Variants in DPYSL4 observed in about 807,000 individuals in gnomAD.
The protein encoded by DPYSL4 is dihydropyrimidinase like 4, also known as dihydropyrimidinase-related protein 4.
Under a neutral mutation model 63.4 loss-of-function variants are expected in DPYSL4, and 43 were observed. The ratio of observed to expected loss-of-function variants is 0.68; its 90% CI spans 0.53 to 0.88. The LOEUF is 0.88. DPYSL4 is among the 40% of genes least tolerant of loss of function. The pLI is 0.00. For synonymous variants in DPYSL4, 353 were observed against 331.7 expected (o/e 1.06, Z -0.70); for missense variants, 733 against 819.5 (o/e 0.89, Z 1.29).
At position 132,205,338 on chromosome 10, in the gene DPYSL4, C is replaced by A; in HGVS notation, c.*408C>A. On this transcript the variant is annotated 3_prime_UTR_variant, in exon 14 of 14. Transcript: ENST00000338492. ...GCCTGGTGGGCATTTGCCGCCGCCT[C>A]CCCACCACCAGTCACTGCCTCGCAG... 6.1e-6 allele frequency: 1 copy of A among 164,928 alleles called. No homozygotes were observed. 10.2% of individuals were successfully genotyped at this position (164,928 alleles called of 1,614,324 possible). A position where few individuals can be genotyped will look rare whatever the true frequency, so the allele number is the denominator to read the frequency against.
At position 132,192,769 on chromosome 10, in the gene DPYSL4, C is replaced by T. The variant is rs767153584; in HGVS notation, c.240C>T (p.Val80=). The T allele has an allele frequency of 6.2e-7, 1 of 1,613,198 alleles. No homozygotes were observed. The highest frequency in any genetic ancestry group is 1.3e-5 in the African/African-American group (1 of 74,930). Residue 80 remains valine (V), a synonymous_variant, in exon 3 of 14, where the codon GTC becomes GTT. Transcript: ENST00000338492. ...TCCACACAAGGCTGCAGATGCCTGTCCTGGGCATGACACCGGCTGACGACT... is the reference window on the plus strand; with the variant it reads ...TCCACACAAGGCTGCAGATGCCTGTTCTGGGCATGACACCGGCTGACGACT... ...VDVHTRLQMP[V]LGMTPADDFC...
rs749104221 is a variant in DPYSL4, at chr10:132,192,712, C to T, written c.183C>T (p.His61=). 3.1e-5 allele frequency: 50 copies of T among 1,613,264 alleles called. No individual in the cohort carries two copies. In the Admixed American group the frequency reaches 4.8e-4, roughly 16 times the overall value. ...GGGGCATCAAGACCATTGACGCCCACGGCCTGATGGTCCTTCCTGGTGGCG... is the reference window on the plus strand; with the variant it reads ...GGGGCATCAAGACCATTGACGCCCATGGCCTGATGGTCCTTCCTGGTGGCG... The part of the protein sequence containing the change: ...VPGGIKTIDA[H]GLMVLPGGVD... The change falls in exon 3 of 14, where the codon CAC becomes CAT. Residue 61 remains histidine (H), a synonymous_variant. Coordinates refer to ENST00000338492, the MANE Select transcript of DPYSL4 (RefSeq NM_006426.3).
rs140382702 is a variant in DPYSL4 at position 132,198,962 on chromosome 10, A to G, written c.802A>G (p.Lys268Glu). 2.8e-5 allele frequency: 45 copies of G among 1,610,534 alleles called. No individual in the cohort carries two copies. The highest frequency in any genetic ancestry group is 3.8e-5 in the Non-Finnish European group (45 of 1,178,580). Residue 268 changes from lysine to glutamate, a missense_variant, in exon 8 of 14, where the codon AAG becomes GAG. By Grantham distance (56) the Lys-to-Glu change is moderately conservative. Coordinates refer to ENST00000338492, the MANE Select transcript of DPYSL4 (RefSeq NM_006426.3). Reference sequence around the variant, plus strand: ...GGCGGCCGACGCCATCGCTCAGGCCAAGCGCAGAGGTGAGCACCCAGCCCC... The same window carrying G: ...GGCGGCCGACGCCATCGCTCAGGCCGAGCGCAGAGGTGAGCACCCAGCCCC... ...KGAADAIAQA[K>E]RRGVVVFGEP...
In DPYSL4 at chr10:132,194,938, C is replaced by T. The variant is rs1267281383; in HGVS notation, c.407C>T (p.Ser136Phe). The part of the protein sequence containing the change: ...RADSAACCDY[S>F]LHVDITRWHE... ...GACAGCGCGGCCTGCTGCGACTACT[C>T]CCTGCACGTGGACATCACCCGATGG... The change falls in exon 4 of 14, where the codon TCC (serine) becomes TTC (phenylalanine). Residue 136 changes from serine to phenylalanine, a missense_variant. By Grantham distance (155) the Ser-to-Phe change is radical. Transcript: ENST00000338492. 2 of 1,612,182 alleles carry T rather than the reference C, an allele frequency of 1.2e-6. No individual in the cohort carries two copies. The highest frequency in any genetic ancestry group is 1.1e-5 in the South Asian group (1 of 91,074).
Position 132,188,038 on chromosome 10 carries a change from G to A in DPYSL4, c.39+936G>A, listed in dbSNP as rs139750295. The stretch of plus-strand genomic sequence containing the variant: ...CTCCCCCAGACTCTGAGCGAGGAAG[G>A]AGCCCTCCCCTCTCCAGATGGGAGG... On this transcript the variant is annotated intron_variant, in intron 1 of 13. Coordinates refer to ENST00000338492, the MANE Select transcript of DPYSL4 (RefSeq NM_006426.3). 4.0e-3 allele frequency among the ~76,000 whole-genome samples: 602 copies of A among 152,260 alleles called. 3 individuals are homozygous for A. The highest frequency in any genetic ancestry group is 0.014 in the African/African-American group (574 of 41,564).
At chr10:132,201,827 C>G in intron 10 of DPYSL4, 119 bp from the exon 11 acceptor site, 2 of 1,128,170 alleles carry the variant, frequency 1.8e-6, no homozygotes. Flanking sequence ...TCTGTCCTCA[C>G]GGGGGCCTGG....
At chr10:132,190,100 CCT>C (rs1392940810) in intron 1 of DPYSL4, among the ~76,000 whole-genome samples, 2 of 152,252 alleles carry the variant, frequency 1.3e-5, no homozygotes, top group Non-Finnish European at 2.9e-5. Flanking sequence ...TCTCCCAGCC[CCT>C]CTCTCATGGC....
At chr10:132,197,678 G>GAC (rs1240376649) in intron 6 of DPYSL4, among the ~76,000 whole-genome samples, 1 of 152,230 alleles carries the variant, frequency 6.6e-6, no homozygotes, top group Non-Finnish European at 1.5e-5. Context: ...CACCACACAG[G>GAC]ACACACCTCC....
intron 2 of DPYSL4, 133 bp from the exon 3 acceptor site, chr10:132,192,525 G>A: frequency 7.0e-7 from 1 of 1,422,918 alleles, no homozygotes; most frequent in Non-Finnish European, 9.2e-7. Context: ...AGTCCAGTGA[G>A]TGGCCGGCCG....
rs1432424235 is a variant in DPYSL4, at chr10:132,202,860, G to C, written c.1461+35G>C. ...CACCCGCAAGGGTGTTGTGCAGGTA[G>C]GCAGGTGGGCGCTGAGTTCTAGGCC... is the stretch of plus-strand genomic sequence containing the variant. On this transcript the variant is annotated intron_variant, in intron 12 of 13. Transcript: ENST00000338492. The C allele has an allele frequency of 2.6e-6, 4 of 1,555,086 alleles. No homozygotes were observed. The Admixed American group carries it at 7.3e-5, about 28-fold the overall frequency.
At chr10:132,199,913 G>A (rs1590102312) in intron 8 of DPYSL4, among the ~76,000 whole-genome samples, 1 of 151,902 alleles carries the variant, frequency 6.6e-6, no homozygotes, top group African/African-American at 2.4e-5. Context: ...TTCTCGGGGG[G>A]TGCCCCACCC....
chr10:132,187,380 GGCCTT>G (rs1383416271), intron 1 of DPYSL4, among the ~76,000 whole-genome samples: 2 of 30,754 alleles, frequency 6.5e-5, no homozygotes, highest in African/African-American at 2.1e-4. Flanking sequence ...GGCCCTGCCC[GGCCTT>G]GCCCGGCCTT....
At position 132,194,885 on chromosome 10, in the gene DPYSL4, G is replaced by A. The variant is rs138714632; in HGVS notation, c.354G>A (p.Ala118=). 349 of 1,612,802 alleles carry A rather than the reference G, an allele frequency of 2.2e-4. No individual in the cohort carries two copies. The highest frequency in any genetic ancestry group is 1.1e-3 in the East Asian group (51 of 44,866). Residue 118 remains alanine, a synonymous_variant, in exon 4 of 14, where the codon GCG becomes GCA. Coordinates refer to ENST00000338492, the MANE Select transcript of DPYSL4 (RefSeq NM_006426.3). ...VFPDTGVSLL[A]AYEQWRERAD... ...CCGACACGGGTGTGAGCCTGCTGGC[G>A]GCCTACGAGCAGTGGCGGGAGCGGG...
Position 132,201,990 on chromosome 10 carries a change from T to C in DPYSL4, c.1155T>C (p.Ser385=). 3.7e-6 allele frequency: 6 copies of C among 1,613,242 alleles called. No homozygotes were observed. Among genetic ancestry groups the C allele is most frequent in the Middle Eastern group, 1.7e-4 (1 of 6,054 alleles). Residue 385 remains serine, a synonymous_variant, in exon 11 of 14, where the codon AGT becomes AGC. Coordinates refer to ENST00000338492, the MANE Select transcript of DPYSL4 (RefSeq NM_006426.3). ...AGAATGAGTTCGTCGCGGTGACCAGTACAAATGCTGCCAAAATCTTCAATT... is the reference window on the plus strand; with the variant it reads ...AGAATGAGTTCGTCGCGGTGACCAGCACAAATGCTGCCAAAATCTTCAATT... ...MDENEFVAVT[S]TNAAKIFNFY...
chr10:132,200,411 C>T lies in DPYSL4; in HGVS notation c.867C>T (p.His289=), dbSNP rs773634853. Residue 289 remains histidine, a synonymous_variant, in exon 9 of 14, where the codon CAC becomes CAT. Coordinates refer to ENST00000338492, the MANE Select transcript of DPYSL4 (RefSeq NM_006426.3). ...ITASLGTDGS[H]YWSKNWAKAA... is the part of the protein sequence containing the mutation. The stretch of plus-strand genomic sequence containing the variant: ...CCAGCCTGGGCACCGACGGTTCACA[C>T]TACTGGAGCAAGAACTGGGCCAAGG... 4.3e-6 allele frequency: 7 copies of T among 1,613,584 alleles called. No individual in the cohort carries two copies. Among genetic ancestry groups the T allele is most frequent in the African/African-American group, 1.3e-5 (1 of 75,032 alleles).
At chr10:132,203,095 C>T (rs776489361) in intron 12 of DPYSL4, among the ~76,000 whole-genome samples, 18 of 152,368 alleles carry the variant, frequency 1.2e-4, no homozygotes, top group Non-Finnish European at 2.5e-4. Context: ...CCACCCAAGT[C>T]ATCCACGGTT....
At chr10:132,202,902 T>C (rs1307943021) in intron 12 of DPYSL4, 77 bp downstream of exon 12, 9 of 1,496,648 alleles carry the variant, frequency 6.0e-6, no homozygotes, top group Non-Finnish European at 8.0e-6. Flanking sequence ...GCACCCCTGG[T>C]CAACCTGGCC....
intron 4 of DPYSL4, among the ~76,000 whole-genome samples, chr10:132,195,738 G>GC (rs1371540960): frequency 3.9e-5 from 6 of 152,180 alleles, no homozygotes; most frequent in South Asian, 2.1e-4. Context: ...TCACCTCCCT[G>GC]CCCGGGGGCT....
At position 132,194,907 on chromosome 10, in the gene DPYSL4, C is replaced by T. The variant is rs557197565; in HGVS notation, c.376C>T (p.Arg126Trp). Residue 126 changes from arginine (R) to tryptophan (W), a missense_variant, in exon 4 of 14, where the codon CGG (arginine) becomes TGG (tryptophan). Physicochemically the swap from Arg to Trp is moderately radical, Grantham distance 101. Transcript: ENST00000338492. ...LLAAYEQWRE[R>W]ADSAACCDYS... is the part of the protein sequence containing the mutation. ...GGCGGCCTACGAGCAGTGGCGGGAG[C>T]GGGCGGACAGCGCGGCCTGCTGCGA... The T allele has an allele frequency of 5.1e-5, 82 of 1,612,392 alleles. No individual in the cohort carries two copies. The highest frequency in any genetic ancestry group is 2.3e-4 in the Admixed American group (14 of 59,988).
Sources: allele counts gnomAD v4.1 joint callset (sites outside exome capture counted in the v4.1 genomes callset), GRCh38; gene constraint gnomAD v4.1.1; transcripts MANE v1.5; gene names NCBI Gene and HGNC (gene_info 2026-07-23, HGNC 2026-07-21).